The following ERBB4 variants were observed in gnomAD, a reference collection of about 807,000 sequenced individuals.
The protein encoded by ERBB4 is erb-b2 receptor tyrosine kinase 4.
Under a neutral mutation model 158.0 loss-of-function variants are expected in ERBB4, and 42 were observed. That is an observed-to-expected ratio of 0.27 (90% CI 0.21 to 0.34). ERBB4 has a LOEUF of 0.34. Ranked by LOEUF, ERBB4 falls within the 10% of genes least tolerant of loss-of-function variation. The pLI is 1.00. For missense variants in ERBB4, 1,333 were observed against 1,624.1 expected (o/e 0.82, Z 3.08); for synonymous variants, 583 against 558.7 (o/e 1.04, Z -0.61).
chr2:212,509,106 A>G (rs1390699745), intron 1 of ERBB4, among the ~76,000 whole-genome samples: 1 of 152,054 alleles, frequency 6.6e-6, no homozygotes, highest in Non-Finnish European at 1.5e-5. Flanking sequence ...TTAGAAGCTG[A>G]GAATAGCCTA....
At chr2:211,768,307 T>C (rs1247438002) in intron 4 of ERBB4, among the ~76,000 whole-genome samples, 1 of 152,162 alleles carries the variant, frequency 6.6e-6, no homozygotes, top group African/African-American at 2.4e-5. Context: ...GCACTGAGTA[T>C]CTGCAGCTTT....
intron 1 of ERBB4, among the ~76,000 whole-genome samples, chr2:212,127,353 G>T (rs1440307631): frequency 6.6e-6 from 1 of 152,162 alleles, no homozygotes; most frequent in African/African-American, 2.4e-5. Flanking sequence ...AGCACTTTGG[G>T]AGGCCAAGGT....
At chr2:211,618,618 C>A (rs910876622) in intron 19 of ERBB4, among the ~76,000 whole-genome samples, 95 of 152,076 alleles carry the variant, frequency 6.2e-4, no homozygotes, top group African/African-American at 2.1e-3. Context: ...TGGGTTAACC[C>A]CAGGTTCTTG....
At chr2:211,891,927 C>CG (rs2078979593) in intron 3 of ERBB4, among the ~76,000 whole-genome samples, 1 of 136,964 alleles carries the variant, frequency 7.3e-6, no homozygotes, top group Non-Finnish European at 1.6e-5. Context: ...AGTTTACCAA[C>CG]CAAAAAGAGT....
At chr2:211,694,514 TAGAC>T (rs375526606) in intron 12 of ERBB4, among the ~76,000 whole-genome samples, 117 of 151,974 alleles carry the variant, frequency 7.7e-4, no homozygotes, top group South Asian at 5.2e-3. Context: ...TGTTAGTAAT[TAGAC>T]AGTGTGCTGT....
chr2:211,862,626 T>C (rs527242900), intron 3 of ERBB4, among the ~76,000 whole-genome samples: 50 of 152,264 alleles, frequency 3.3e-4, no homozygotes, highest in African/African-American at 5.1e-4. Flanking sequence ...TTAGAATAGG[T>C]GAAGAAGACT....
At chr2:212,515,488 T>A (rs1691772609) in intron 1 of ERBB4, among the ~76,000 whole-genome samples, 1 of 152,026 alleles carries the variant, frequency 6.6e-6, no homozygotes. Flanking sequence ...TGCTATCATA[T>A]AAAACAATAC....
intron 19 of ERBB4, among the ~76,000 whole-genome samples, chr2:211,611,413 A>ACTTTTGCTTTCGCTTTT (rs2069192343): frequency 6.6e-6 from 1 of 152,054 alleles, no homozygotes; most frequent in Non-Finnish European, 1.5e-5. Flanking sequence ...TGGAAGCTTT[A>ACTTTTGCTTTCGCTTTT]CTTTTGCTTT....
chr2:212,499,766 T>C (rs1490772608), intron 1 of ERBB4, among the ~76,000 whole-genome samples: 1 of 152,134 alleles, frequency 6.6e-6, no homozygotes, highest in East Asian at 1.9e-4. Flanking sequence ...GGTGAGGAAA[T>C]TGGATTCGTT....
intron 1 of ERBB4, among the ~76,000 whole-genome samples, chr2:212,191,623 CATGT>C (rs140096579): frequency 0.018 from 2,343 of 128,990 alleles, 227 homozygotes; most frequent in African/African-American, 0.026. Context: ...ATATATAACA[CATGT>C]GTTATGCATG....
rs2072227862 is a variant in ERBB4, at chr2:211,679,054, A to C, written c.1620T>G (p.Asp540Glu). ...RICIESCNLY[D>E]GEFREFENGS... ...GGCAACCCTAGAAGAAGCCTTACCC[A>C]TCATAGAGGTTACAAGACTCTATGC... Residue 540 changes from aspartate (D) to glutamate (E), a missense_variant and splice_region_variant, in exon 13 of 28, where the codon GAT becomes GAG. This residue lies in a region of ERBB4 where 245 missense variants were observed against 247.5 expected (regional missense o/e 0.99). Transcript: ENST00000342788. 3.7e-6 allele frequency: 6 copies of C among 1,609,552 alleles called. No individual in the cohort carries two copies. The highest frequency in any genetic ancestry group is 5.1e-6 in the Non-Finnish European group (6 of 1,177,844).
rs532295708 is a variant in ERBB4, at chr2:212,343,323, T to C, written c.82+195126A>G. Among the ~76,000 whole-genome samples the C allele has an allele frequency of 9.9e-5, 15 of 152,268 alleles. No homozygotes were observed. The East Asian group carries it at 2.9e-3, about 29-fold the overall frequency. On this transcript the variant is annotated intron_variant, in intron 1 of 27. Coordinates refer to ENST00000342788, the MANE Select transcript of ERBB4 (RefSeq NM_005235.3). ...TCAATGCTGAGAGAGAGAAACAAAG[T>C]GTCTATTGCTTTAATCTATGCTTGT...
chr2:212,121,564 A>T (rs2125562916), intron 2 of ERBB4, among the ~76,000 whole-genome samples: 1 of 152,236 alleles, frequency 6.6e-6, no homozygotes, highest in East Asian at 1.9e-4. Flanking sequence ...ATCTCCATTG[A>T]CTACCTTATC....
At chr2:211,551,465 C>T (rs1336391316) in intron 20 of ERBB4, among the ~76,000 whole-genome samples, 3 of 151,986 alleles carry the variant, frequency 2.0e-5, no homozygotes, top group East Asian at 1.9e-4. Context: ...TATCTTTTAT[C>T]GTGCCTTTAT....
intron 19 of ERBB4, among the ~76,000 whole-genome samples, chr2:211,576,535 G>A (rs1263198582): frequency 6.6e-6 from 1 of 152,108 alleles, no homozygotes; most frequent in Non-Finnish European, 1.5e-5. Context: ...ATTAATAACT[G>A]TATTGACTTT....
chr2:211,821,784 T>A (rs1249035570), intron 3 of ERBB4, among the ~76,000 whole-genome samples: 1 of 151,932 alleles, frequency 6.6e-6, no homozygotes, highest in Non-Finnish European at 1.5e-5. Context: ...CAAATGGCGC[T>A]AGGAAAACTG....
chr2:212,018,524 A>G (rs151082370), intron 2 of ERBB4, among the ~76,000 whole-genome samples: 215 of 152,344 alleles, frequency 1.4e-3, no homozygotes, highest in African/African-American at 4.9e-3. Context: ...GGAACTAAAC[A>G]TTAATGTCTA....
rs192509666 is a variant in ERBB4 at position 211,936,222 on chromosome 2, C to T, written c.421+11208G>A. ...AATATTTGCCAGAATATTCTGAGAC[C>T]GCCACTTAAAAAAAAAAGACCAAAT... is the stretch of plus-strand genomic sequence containing the variant. On this transcript the variant is annotated intron_variant, in intron 3 of 27. Coordinates refer to ENST00000342788, the MANE Select transcript of ERBB4 (RefSeq NM_005235.3). Among the ~76,000 whole-genome samples, 306 of 150,796 alleles carry T rather than the reference C, an allele frequency of 2.0e-3. 3 individuals carry two copies. The South Asian group carries it at 0.025, about 12-fold the overall frequency.
At position 212,116,961 on chromosome 2, in the gene ERBB4, GC is replaced by G. The variant is rs1238294444; in HGVS notation, c.234+7790del. Among the ~76,000 whole-genome samples, 15 of 152,020 alleles carry G rather than the reference GC, an allele frequency of 9.9e-5. No homozygotes were observed. The East Asian group carries it at 2.9e-3, about 29-fold the overall frequency. On this transcript the variant is annotated intron_variant, in intron 2 of 27. Transcript: ENST00000342788. ...TCCTAAGCCAAGTGTAAATTGCATA[GC>G]TTTTTCAAATGTAATACAAGTTCCA...
Sources: allele counts gnomAD v4.1 joint callset (sites outside exome capture counted in the v4.1 genomes callset), GRCh38; gene constraint gnomAD v4.1.1; regional missense constraint gnomAD v4.1.1; transcripts MANE v1.5; gene names NCBI Gene and HGNC (gene_info 2026-07-23, HGNC 2026-07-21).